Variants in PLBD1 observed in about 807,000 individuals in gnomAD.
PLBD1 encodes the protein lysosomal leucine aminopeptidase.
In PLBD1, 60 loss-of-function variants were observed where a neutral mutation model predicts 63.0. That is an observed-to-expected ratio of 0.95 (90% confidence interval 0.77 to 1.18). PLBD1 has a LOEUF of 1.18. Among genes scored for constraint, PLBD1 ranks in the 50% most tolerant of loss-of-function variants. The pLI is 0.00. For synonymous variants in PLBD1, 262 were observed against 248.0 expected (o/e 1.06, Z -0.53); for missense variants, 598 against 677.9 (o/e 0.88, Z 1.31).
chr12:14,535,836 G>T, intron 5 of PLBD1, 33 bp from the exon 6 acceptor site: 1 of 1,598,128 alleles, frequency 6.3e-7, no homozygotes, highest in Non-Finnish European at 8.5e-7. Context: ...TTACACAGAT[G>T]TACATAGCTA....
In PLBD1 at chr12:14,511,642, C is replaced by T; in HGVS notation, c.914G>A (p.Ser305Asn). Reference sequence around the variant, plus strand: ...CTTTAGCAGGGTTTTATTAAACACACTGTTTGTGGTCTGCAGCAATATCAA... The same window carrying T: ...CTTTAGCAGGGTTTTATTAAACACATTGTTTGTGGTCTGCAGCAATATCAA... ...SGLILLQTTNSVFNKTLLKQV... is the reference protein window; with the variant it reads ...SGLILLQTTNNVFNKTLLKQV... Residue 305 changes from serine to asparagine, a missense_variant, in exon 7 of 11, where the codon AGT (serine) becomes AAT (asparagine). By Grantham distance (46) the Ser-to-Asn change is conservative (BLOSUM62 1). Coordinates refer to ENST00000240617, the MANE Select transcript of PLBD1 (RefSeq NM_024829.6). The T allele has an allele frequency of 1.2e-6, 2 of 1,614,188 alleles. No individual in the cohort carries two copies. The highest frequency in any genetic ancestry group is 1.7e-6 in the Non-Finnish European group (2 of 1,180,036).
chr12:14,567,083 C>T (rs1049002204), intron 1 of PLBD1, among the ~76,000 whole-genome samples: 10 of 152,102 alleles, frequency 6.6e-5, no homozygotes, highest in African/African-American at 2.2e-4. Flanking sequence ...CCACAGAGAG[C>T]GACTCTGTCT....
intron 6 of PLBD1, among the ~76,000 whole-genome samples, chr12:14,517,186 G>A (rs1273102354): frequency 1.3e-5 from 2 of 151,890 alleles, no homozygotes; most frequent in African/African-American, 4.8e-5. Flanking sequence ...ATGCTCTGTC[G>A]CCCAGGCTGG....
intron 1 of PLBD1, among the ~76,000 whole-genome samples, chr12:14,554,446 G>A (rs1009661580): frequency 2.6e-5 from 4 of 152,142 alleles, no homozygotes; most frequent in African/African-American, 9.7e-5. Flanking sequence ...ACCCAACAGA[G>A]CTATTGCTAG....
chr12:14,562,338 T>C (rs761545170), intron 1 of PLBD1, among the ~76,000 whole-genome samples: 1 of 151,344 alleles, frequency 6.6e-6, no homozygotes, highest in Non-Finnish European at 1.5e-5. Context: ...CACATGCTTG[T>C]AATCCCAGCT....
chr12:14,551,471 T>C (rs892922930), intron 2 of PLBD1, among the ~76,000 whole-genome samples: 1 of 152,206 alleles, frequency 6.6e-6, no homozygotes, highest in African/African-American at 2.4e-5. Context: ...TACTCAAGAA[T>C]AGGTCAATGC....
intron 6 of PLBD1, among the ~76,000 whole-genome samples, chr12:14,525,520 A>C (rs1945409799): frequency 6.6e-6 from 1 of 152,158 alleles, no homozygotes; most frequent in Non-Finnish European, 1.5e-5. Context: ...CCTTACATTT[A>C]ATGAAAAACA....
intron 9 of PLBD1, 24 bp from the exon 10 acceptor site, chr12:14,506,292 G>T: frequency 6.6e-7 from 1 of 1,511,554 alleles, no homozygotes; most frequent in Non-Finnish European, 9.2e-7. Flanking sequence ...ATGGGGAAGA[G>T]AGTGATTATT....
At chr12:14,545,402 T>A (rs868317133) in intron 2 of PLBD1, among the ~76,000 whole-genome samples, 1 of 152,264 alleles carries the variant, frequency 6.6e-6, no homozygotes, top group African/African-American at 2.4e-5. Context: ...TTTATCACTT[T>A]GTTTTCTGTT....
At chr12:14,514,562 T>G (rs1043360602) in intron 6 of PLBD1, among the ~76,000 whole-genome samples, 1 of 152,170 alleles carries the variant, frequency 6.6e-6, no homozygotes, top group African/African-American at 2.4e-5. Context: ...ATATAGGCTA[T>G]CCAGAGTTCT....
At chr12:14,552,574 G>T (rs1281780902) in intron 2 of PLBD1, among the ~76,000 whole-genome samples, 1 of 152,092 alleles carries the variant, frequency 6.6e-6, no homozygotes, top group African/African-American at 2.4e-5. Flanking sequence ...GACAACAAGT[G>T]ACTAGTAGGA....
At chr12:14,525,332 AT>A (rs746405454) in intron 6 of PLBD1, among the ~76,000 whole-genome samples, 10 of 152,208 alleles carry the variant, frequency 6.6e-5, no homozygotes, top group Non-Finnish European at 1.5e-4. Flanking sequence ...TAGAAGATTA[AT>A]GGGAATCATC....
At chr12:14,561,158 T>C (rs1565581964) in intron 1 of PLBD1, among the ~76,000 whole-genome samples, 1 of 150,194 alleles carries the variant, frequency 6.7e-6, no homozygotes, top group Non-Finnish European at 1.5e-5. Context: ...GGTCAGGAAG[T>C]GCAGGACACA....
In PLBD1 at chr12:14,567,860, A is replaced by G; in HGVS notation, c.-164T>C. 1 of 999,824 alleles carries G rather than the reference A, an allele frequency of 1.0e-6. No homozygotes were observed. The highest frequency in any genetic ancestry group is 1.7e-5 in the African/African-American group (1 of 58,520). The allele number at this position is 999,824 out of a possible 1,614,324, so 61.9% of individuals were successfully genotyped here. On this transcript the variant is annotated 5_prime_UTR_variant, in exon 1 of 11. Coordinates refer to ENST00000240617, the MANE Select transcript of PLBD1 (RefSeq NM_024829.6). ...TGAGCCCGGCCTGCTCCGGGCTCTG[A>G]GGGGCGAGGACGCTTCACGTGGTGG...
chr12:14,526,162 A>C lies in PLBD1; in HGVS notation c.844+9497T>G, dbSNP rs12231258. ...ATCTAAATATATAAATATTTACAGT[A>C]AATGTAAATGACCCAAACACTTCCA... is the stretch of plus-strand genomic sequence containing the variant. On this transcript the variant is annotated intron_variant, in intron 6 of 10. Coordinates refer to ENST00000240617, the MANE Select transcript of PLBD1 (RefSeq NM_024829.6). Among the ~76,000 whole-genome samples the C allele has an allele frequency of 1.6e-3, 238 of 152,322 alleles. 3 individuals are homozygous for C. In the South Asian group the frequency reaches 0.021, roughly 14 times the overall value.
intron 8 of PLBD1, among the ~76,000 whole-genome samples, chr12:14,509,459 C>G (rs1208678174): frequency 6.6e-6 from 1 of 152,170 alleles, no homozygotes; most frequent in African/African-American, 2.4e-5. Context: ...ACAGTAACCA[C>G]CTAATGATTT....
intron 2 of PLBD1, 31 bp downstream of exon 2, chr12:14,553,158 CCTGG>C: frequency 1.3e-6 from 2 of 1,555,640 alleles, no homozygotes; most frequent in Non-Finnish European, 1.8e-6. Flanking sequence ...ACAGGGGTTG[CCTGG>C]CAGTGGCTCT....
rs1945565452 is a variant in PLBD1 at position 14,540,812 on chromosome 12, A to G, written c.510T>C (p.Asp170=). Residue 170 remains aspartate (D), a synonymous_variant, in exon 4 of 11, where the codon GAT becomes GAC. Transcript: ENST00000240617. ...RHTGYVMAQI[D]GLYVGAKKRA... ...TCTTCTTTGCTCCTACATAGAGGCCATCTATTTGTGCCATCACATAGCCTG... is the reference window on the plus strand; with the variant it reads ...TCTTCTTTGCTCCTACATAGAGGCCGTCTATTTGTGCCATCACATAGCCTG... The G allele has an allele frequency of 1.9e-6, 3 of 1,610,746 alleles. No individual in the cohort carries two copies. In the African/African-American group the frequency reaches 4.0e-5, roughly 21 times the overall value.
chr12:14,527,319 C>G (rs1209711246), intron 6 of PLBD1, among the ~76,000 whole-genome samples: 2 of 152,150 alleles, frequency 1.3e-5, no homozygotes, highest in Non-Finnish European at 2.9e-5. Flanking sequence ...GGGTCACCAA[C>G]TGATCTCAAA....
Sources: gnomAD v4.1 joint callset for allele counts (sites outside exome capture counted in the v4.1 genomes callset) on GRCh38, gnomAD v4.1.1 for gene constraint, MANE v1.5 for transcripts, NCBI Gene and HGNC (gene_info 2026-07-23, HGNC 2026-07-21) for gene names.